HMCN1: variants seen among roughly 807,000 people sequenced by gnomAD.
HMCN1 encodes hemicentin-1.
Under a neutral mutation model 625.9 loss-of-function variants are expected in HMCN1, and 321 were observed. The ratio of observed to expected loss-of-function variants is 0.51; its 90% CI spans 0.47 to 0.56. The LOEUF (loss-of-function observed/expected upper bound fraction) is 0.56, where lower values mean the gene tolerates loss of function less well. Among genes scored for constraint, HMCN1 ranks in the 20% least tolerant of loss-of-function variants. The pLI, the probability that HMCN1 is intolerant of heterozygous loss-of-function variation, is 0.00. For synonymous variants in HMCN1, 2,425 were observed against 2,417.6 expected (o/e 1.00, Z -0.09); for missense variants, 6,588 against 6,887.3 (o/e 0.96, Z 1.54).
intron 5 of HMCN1, among the ~76,000 whole-genome samples, chr1:185,909,732 T>G (rs1297697452): frequency 1.3e-5 from 2 of 152,054 alleles, no homozygotes; most frequent in Non-Finnish European, 2.9e-5. Flanking sequence ...TTTAAAGAGG[T>G]CAGATGTAGT....
chr1:186,050,498 G>A (rs1656879381), intron 42 of HMCN1, among the ~76,000 whole-genome samples: 1 of 151,592 alleles, frequency 6.6e-6, no homozygotes, highest in Non-Finnish European at 1.5e-5. Flanking sequence ...GGAAAACCCA[G>A]TAAAAAAAAA....
At chr1:185,998,360 A>G (rs1374135520) in intron 25 of HMCN1, among the ~76,000 whole-genome samples, 1 of 152,160 alleles carries the variant, frequency 6.6e-6, no homozygotes, top group Non-Finnish European at 1.5e-5. Context: ...TTTCTGTGGC[A>G]AGCTTTTCAA....
In HMCN1 at chr1:186,122,977, A is replaced by G; in HGVS notation, c.12256A>G (p.Lys4086Glu). ...QVPPVISPHL[K>E]EYVIAVDKPI... ...TCCTCCAGTCATTAGCCCTCATCTA[A>G]AGGAATATGTTATTGCTGTGGACAA... Residue 4086 changes from lysine to glutamate, a missense_variant, in exon 81 of 107, where the codon AAG (lysine) becomes GAG (glutamate). Lys to Glu is a moderately conservative substitution (Grantham distance 56, BLOSUM62 1). This residue lies in a region of HMCN1 where 1,954 missense variants were observed against 2,013.1 expected (regional missense o/e 0.97). Coordinates refer to ENST00000271588, the MANE Select transcript of HMCN1 (RefSeq NM_031935.3). 6.2e-7 allele frequency: 1 copy of G among 1,614,018 alleles called. No homozygotes were observed. Among genetic ancestry groups the G allele is most frequent in the Non-Finnish European group, 8.5e-7 (1 of 1,179,986 alleles).
chr1:186,073,131 C>T (rs1234040927), intron 52 of HMCN1, among the ~76,000 whole-genome samples: 2 of 152,062 alleles, frequency 1.3e-5, no homozygotes, highest in African/African-American at 4.8e-5. Flanking sequence ...AGGATTAAGC[C>T]TCAGGGTACT....
chr1:186,109,621 C>A (rs1274153878), intron 71 of HMCN1, among the ~76,000 whole-genome samples: 2 of 152,094 alleles, frequency 1.3e-5, no homozygotes, highest in Non-Finnish European at 2.9e-5. Flanking sequence ...TAAGGAACAG[C>A]CCATGGAAGC....
intron 1 of HMCN1, among the ~76,000 whole-genome samples, chr1:185,770,170 C>T (rs1656142680): frequency 1.3e-5 from 2 of 152,160 alleles, no homozygotes; most frequent in Admixed American, 6.5e-5. Flanking sequence ...ACCTCAAAAA[C>T]ATCACCACTC....
chr1:185,941,200 A>C (rs1053976134), intron 11 of HMCN1, among the ~76,000 whole-genome samples: 1 of 152,182 alleles, frequency 6.6e-6, no homozygotes, highest in African/African-American at 2.4e-5. Flanking sequence ...AAAAATGGTA[A>C]GTTCATGGAA....
intron 1 of HMCN1, among the ~76,000 whole-genome samples, chr1:185,764,777 A>T (rs75693913): frequency 0.038 from 5,852 of 152,244 alleles, 322 homozygotes; most frequent in African/African-American, 0.13. Context: ...AGTCTATATG[A>T]AATAGTAATT....
intron 37 of HMCN1, among the ~76,000 whole-genome samples, chr1:186,038,254 T>C (rs1403926938): frequency 6.6e-6 from 1 of 152,216 alleles, no homozygotes; most frequent in African/African-American, 2.4e-5. Context: ...TGTAGAAATA[T>C]ATGAATACCT....
At chr1:185,975,032 G>T (rs971715611) in intron 15 of HMCN1, among the ~76,000 whole-genome samples, 2 of 152,114 alleles carry the variant, frequency 1.3e-5, no homozygotes. Context: ...TTGATTCCAG[G>T]CTTCTGCATA....
At chr1:186,172,806 A>AC (rs766934745) in intron 102 of HMCN1, among the ~76,000 whole-genome samples, 15 of 151,892 alleles carry the variant, frequency 9.9e-5, no homozygotes, top group Admixed American at 6.6e-5. Flanking sequence ...ACTCCACTAT[A>AC]CCCCCTCCCC....
chr1:185,957,256 T>C (rs1268349530), intron 11 of HMCN1: 1 of 152,224 alleles, frequency 6.6e-6, no homozygotes, highest in African/African-American at 2.4e-5. Flanking sequence ...AGTTGTTATT[T>C]TTAAAGTATT....
In HMCN1 at chr1:185,734,952, A is replaced by T. The variant is rs1048441564; in HGVS notation, c.173A>T (p.Gln58Leu). The T allele has an allele frequency of 1.9e-6, 3 of 1,613,968 alleles. No individual in the cohort carries two copies. The highest frequency in any genetic ancestry group is 2.5e-6 in the Non-Finnish European group (3 of 1,180,002). Residue 58 changes from glutamine to leucine, a missense_variant, in exon 1 of 107, where the codon CAG becomes CTG. Gln to Leu is a moderately radical substitution (Grantham distance 113, BLOSUM62 -2). Around this residue, in one of 3 missense-constraint regions of HMCN1, gnomAD observed 4,628 missense variants for 4,853.1 expected, o/e 0.95. Transcript: ENST00000271588. ...GGTTCTATGTATGATGATTTAGTTC[A>T]GGTGATTGAAGGGGCTTCCAAAATT... is the stretch of plus-strand genomic sequence containing the variant. ...VTGSMYDDLV[Q>L]VIEGASKILE...
chr1:185,914,835 G>T (rs1231150702), intron 6 of HMCN1, among the ~76,000 whole-genome samples: 1 of 150,802 alleles, frequency 6.6e-6, no homozygotes, highest in African/African-American at 2.4e-5. Context: ...TATTTTCTCT[G>T]TCTCTTTTTC....
chr1:185,895,890 G>A (rs973385795), intron 4 of HMCN1, among the ~76,000 whole-genome samples: 8 of 151,898 alleles, frequency 5.3e-5, no homozygotes, highest in Non-Finnish European at 8.8e-5. Flanking sequence ...TGCCACATTT[G>A]GTTTGTTCCC....
chr1:185,910,220 G>T (rs1422558995), intron 5 of HMCN1, among the ~76,000 whole-genome samples: 1 of 152,018 alleles, frequency 6.6e-6, no homozygotes, highest in Non-Finnish European at 1.5e-5. Context: ...TATAAATAGG[G>T]AAGGGGATAA....
Position 186,068,005 on chromosome 1 carries a change from C to T in HMCN1, c.7877C>T (p.Pro2626Leu), listed in dbSNP as rs771118027. The T allele has an allele frequency of 1.9e-6, 3 of 1,612,248 alleles. No homozygotes were observed. The highest frequency in any genetic ancestry group is 1.7e-4 in the Middle Eastern group (1 of 6,054). Residue 2626 changes from proline to leucine, a missense_variant and splice_region_variant, in exon 50 of 107, where the codon CCA becomes CTA. Pro to Leu is a moderately conservative substitution (Grantham distance 98, BLOSUM62 -3). Coordinates refer to ENST00000271588, the MANE Select transcript of HMCN1 (RefSeq NM_031935.3). ...LESNRNIRILPGGRTLQILNA... is the reference protein window; with the variant it reads ...LESNRNIRILLGGRTLQILNA... ...TCTAACCGAAATATTCGTATTCTTC[C>T]AGGTAATTCATTTGCTTCAGATGTC...
chr1:186,117,370 C>T lies in HMCN1; in HGVS notation c.11684-89C>T. On this transcript the variant is annotated intron_variant, in intron 76 of 106. Transcript: ENST00000271588. ...ACTTACCTAACTTTCACTTTCAGAG[C>T]AAAAAGAGGATGTATGATAAGTCTT... 4 of 1,458,554 alleles carry T rather than the reference C, an allele frequency of 2.7e-6. No individual in the cohort carries two copies. In the Admixed American group the frequency reaches 7.0e-5, roughly 25 times the overall value. 90.4% of individuals were successfully genotyped at this position (1,458,554 alleles called of 1,614,324 possible). A position where few individuals can be genotyped will look rare whatever the true frequency, so the allele number is the denominator to read the frequency against.
chr1:186,113,265 G>A (rs1297067072), intron 72 of HMCN1, among the ~76,000 whole-genome samples: 1 of 152,160 alleles, frequency 6.6e-6, no homozygotes, highest in Non-Finnish European at 1.5e-5. Context: ...GATGACAAAT[G>A]GCCCATCATT....
Sources: gnomAD v4.1 joint callset for allele counts (sites outside exome capture counted in the v4.1 genomes callset) on GRCh38, gnomAD v4.1.1 for gene constraint, gnomAD v4.1.1 regional missense constraint, MANE v1.5 for transcripts, NCBI Gene and HGNC (gene_info 2026-07-23, HGNC 2026-07-21) for gene names.